BPTF: variants seen among roughly 807,000 people sequenced by gnomAD.
The protein encoded by BPTF is bromodomain PHD finger transcription factor, also known as nucleosome-remodeling factor subunit BPTF.
In BPTF, 18 loss-of-function variants were observed where a neutral mutation model predicts 292.5. The observed-to-expected ratio is 0.06, with a 90% confidence interval of 0.04 to 0.09. The LOEUF (loss-of-function observed/expected upper bound fraction) is 0.09. Among genes scored for constraint, BPTF ranks in the 10% least tolerant of loss-of-function variants. The probability of loss-of-function intolerance (pLI) is 1.00; values close to 1 mark genes in which losing one functional copy is unlikely to be tolerated. For missense variants in BPTF, 2,726 were observed against 3,498.7 expected, an observed-to-expected ratio of 0.78 and a Z score of 5.57; for synonymous variants, 1,225 against 1,251.9, an observed-to-expected ratio of 0.98 and a Z score of 0.45.
At chr17:67,863,585 A>G (rs1044108043) in intron 2 of BPTF, among the ~76,000 whole-genome samples, 1 of 152,116 alleles carries the variant, frequency 6.6e-6, no homozygotes, top group South Asian at 2.1e-4. Flanking sequence ...CGCCCGGCCC[A>G]TTACCTTCTT....
intron 23 of BPTF, among the ~76,000 whole-genome samples, chr17:67,953,319 C>G (rs182597130): frequency 6.7e-6 from 1 of 149,368 alleles, no homozygotes; most frequent in Non-Finnish European, 1.5e-5. Flanking sequence ...TGCAATGGCG[C>G]GATCTCGGCT....
At chr17:67,938,332 C>G (rs1298056590) in intron 18 of BPTF, among the ~76,000 whole-genome samples, 2 of 152,082 alleles carry the variant, frequency 1.3e-5, no homozygotes, top group Non-Finnish European at 2.9e-5. Context: ...GGACATAGCA[C>G]TGGGATATAG....
chr17:67,973,140 C>T (rs569131337), intron 26 of BPTF, among the ~76,000 whole-genome samples: 47 of 147,832 alleles, frequency 3.2e-4, no homozygotes, highest in African/African-American at 1.1e-3. Context: ...TTTGGGAGGC[C>T]GAGGCAGGAG....
intron 19 of BPTF, among the ~76,000 whole-genome samples, chr17:67,943,935 G>C (rs562947242): frequency 6.6e-6 from 1 of 152,078 alleles, no homozygotes; most frequent in Non-Finnish European, 1.5e-5. Context: ...CTGACCATTG[G>C]GGGAGCTTGA....
chr17:67,875,661 C>T lies in BPTF; in HGVS notation c.1864+641C>T, dbSNP rs2060006969. On this transcript the variant is annotated intron_variant, in intron 4 of 27. Coordinates refer to ENST00000306378, the MANE Select transcript of BPTF (RefSeq NM_182641.4). ...ACTAGTCCCTCTGAAGGGAGGAGCC[C>T]TGTGGGGTGTCTCTCAGAAACCCCC... 6.2e-7 allele frequency: 1 copy of T among 1,608,082 alleles called. No homozygotes were observed. The highest frequency in any genetic ancestry group is 8.5e-7 in the Non-Finnish European group (1 of 1,177,154).
chr17:67,893,129 T>C lies in BPTF; in HGVS notation c.2056-241T>C, dbSNP rs144121706. The C allele has an allele frequency of 6.4e-3, 3,187 of 500,878 alleles. 23 individuals carry two copies. The highest frequency in any genetic ancestry group is 9.9e-3 in the Admixed American group (265 of 26,748). The allele number at this position is 500,878 out of a possible 1,614,324, so 31.0% of individuals were successfully genotyped here. A position where few individuals can be genotyped will look rare whatever the true frequency, so the allele number is the denominator to read the frequency against. ...TACATGAAAGCAGTGAATAATAGTATCTGACATGTAATAGGTACTTAATAT... is the reference window on the plus strand; with the variant it reads ...TACATGAAAGCAGTGAATAATAGTACCTGACATGTAATAGGTACTTAATAT... On this transcript the variant is annotated intron_variant, in intron 5 of 27. Coordinates refer to ENST00000306378, the MANE Select transcript of BPTF (RefSeq NM_182641.4).
intron 4 of BPTF, among the ~76,000 whole-genome samples, chr17:67,881,582 C>G (rs1320491110): frequency 6.8e-6 from 1 of 147,484 alleles, no homozygotes; most frequent in Non-Finnish European, 1.5e-5. Context: ...TGGCTTACTG[C>G]AACCTCCGCC....
chr17:67,949,126 G>A (rs1478477429), intron 23 of BPTF, among the ~76,000 whole-genome samples: 1 of 152,162 alleles, frequency 6.6e-6, no homozygotes, highest in Non-Finnish European at 1.5e-5. Flanking sequence ...AACACTTTGG[G>A]AAGCCAAGGT....
At chr17:67,833,791 C>T (rs2056916581) in intron 1 of BPTF, among the ~76,000 whole-genome samples, 1 of 152,016 alleles carries the variant, frequency 6.6e-6, no homozygotes, top group Admixed American at 6.5e-5. Context: ...TTGTCTTGAA[C>T]TTCTGACCTC....
At chr17:67,961,074 C>G (rs374294135) in intron 24 of BPTF, among the ~76,000 whole-genome samples, 1 of 152,152 alleles carries the variant, frequency 6.6e-6, no homozygotes, top group East Asian at 1.9e-4. Flanking sequence ...ATTTCTGAAA[C>G]AGGAGTTTCC....
At chr17:67,836,443 A>T (rs1325371796) in intron 1 of BPTF, among the ~76,000 whole-genome samples, 2 of 152,168 alleles carry the variant, frequency 1.3e-5, no homozygotes, top group East Asian at 3.8e-4. Context: ...GGAAGTTAAG[A>T]AGTATTTCAG....
chr17:67,890,715 A>G (rs1364688884), intron 4 of BPTF, among the ~76,000 whole-genome samples: 1 of 152,218 alleles, frequency 6.6e-6, no homozygotes, highest in Non-Finnish European at 1.5e-5. Context: ...GGAACAGGTA[A>G]AATTAACAGA....
At chr17:67,935,254 T>C (rs2064818398) in intron 18 of BPTF, among the ~76,000 whole-genome samples, 2 of 151,932 alleles carry the variant, frequency 1.3e-5, no homozygotes, top group African/African-American at 4.8e-5. Flanking sequence ...GAGACCCCCA[T>C]CTCTACAAAA....
intron 1 of BPTF, among the ~76,000 whole-genome samples, chr17:67,832,483 ATCT>A (rs1437643144): frequency 1.3e-5 from 2 of 152,208 alleles, no homozygotes; most frequent in Non-Finnish European, 2.9e-5. Flanking sequence ...TTTATTGGAC[ATCT>A]TCTGAATTGC....
intron 7 of BPTF, among the ~76,000 whole-genome samples, chr17:67,894,432 G>T (rs1006816161): frequency 6.6e-6 from 1 of 151,538 alleles, no homozygotes; most frequent in East Asian, 1.9e-4. Context: ...ATATTCAAGC[G>T]ATTCTCTTGT....
chr17:67,964,807 G>A (rs189599464), intron 25 of BPTF, among the ~76,000 whole-genome samples: 5 of 150,188 alleles, frequency 3.3e-5, no homozygotes, highest in Admixed American at 2.7e-4. Context: ...AGACCATCCT[G>A]GCTAACACGG....
chr17:67,854,791 A>G lies in BPTF; in HGVS notation c.1436+29A>G, dbSNP rs142805142. On this transcript the variant is annotated intron_variant, in intron 2 of 27. Transcript: ENST00000306378. The surrounding 1 kb of genome is among the most constrained non-coding windows in gnomAD (Gnocchi z 5.6). ...AGTAAATCTGGTCTTAATTTTTTGT[A>G]TGCATTTAAAATTAGACTAGTTTCC... 3.9e-6 allele frequency: 6 copies of G among 1,524,350 alleles called. No individual in the cohort carries two copies. The highest frequency in any genetic ancestry group is 1.4e-5 in the African/African-American group (1 of 72,646). 94.4% of individuals were successfully genotyped at this position (1,524,350 alleles called of 1,614,324 possible).
In BPTF at chr17:67,844,068, G is replaced by T. The variant is rs1029675527; in HGVS notation, c.614-9872G>T. 7.6e-5 allele frequency among the ~76,000 whole-genome samples: 8 copies of T among 104,810 alleles called. No homozygotes were observed. In the Admixed American group the frequency reaches 7.7e-4, roughly 10 times the overall value. 68.8% of individuals were successfully genotyped at this position (104,810 alleles called of 152,430 possible). On this transcript the variant is annotated intron_variant, in intron 1 of 27. Coordinates refer to ENST00000306378, the MANE Select transcript of BPTF (RefSeq NM_182641.4). The stretch of plus-strand genomic sequence containing the variant: ...GTGTGAGCCACCGTGCCCGGCCCCC[G>T]CCTTTTTTTTTTTTTTTTTTTTTTT...
chr17:67,964,776 G>A (rs535711820), intron 25 of BPTF, among the ~76,000 whole-genome samples: 9 of 151,750 alleles, frequency 5.9e-5, no homozygotes, highest in Admixed American at 1.3e-4. Flanking sequence ...CAAGGTGGGC[G>A]GATCACAAGG....
Sources: gnomAD v4.1 joint callset for allele counts (sites outside exome capture counted in the v4.1 genomes callset) on GRCh38, gnomAD v4.1.1 for gene constraint, Gnocchi (gnomAD v3.1) non-coding constraint, MANE v1.5 for transcripts, NCBI Gene and HGNC (gene_info 2026-07-23, HGNC 2026-07-21) for gene names.